Variants in SLC27A6 observed in about 807,000 individuals in gnomAD.
SLC27A6 encodes long-chain fatty acid transport protein 6.
In SLC27A6, 74 loss-of-function variants were observed where a neutral mutation model predicts 63.9. The ratio of observed to expected loss-of-function variants is 1.16; its 90% CI spans 0.96 to 1.40. The LOEUF (loss-of-function observed/expected upper bound fraction) is 1.40, where lower values mean the gene tolerates loss of function less well. Among genes scored for constraint, SLC27A6 ranks in the 40% most tolerant of loss-of-function variants. The pLI, the probability that SLC27A6 is intolerant of heterozygous loss-of-function variation, is 0.00. For missense variants in SLC27A6, 794 were observed against 732.9 expected, an observed-to-expected ratio of 1.08 and a Z score of -0.96; for synonymous variants, 287 against 260.8, an observed-to-expected ratio of 1.10 and a Z score of -0.97.
At chr5:128,987,951 C>T (rs3886286) in intron 2 of SLC27A6, among the ~76,000 whole-genome samples, 36,885 of 151,702 alleles carry the variant, frequency 0.24, 5,165 homozygotes, top group Non-Finnish European at 0.31. Context: ...AATTTCCCAG[C>T]GAAATGGATA....
intron 2 of SLC27A6, among the ~76,000 whole-genome samples, chr5:128,986,575 T>C (rs73784806): frequency 0.057 from 8,597 of 152,008 alleles, 848 homozygotes; most frequent in African/African-American, 0.2. Context: ...AGAATATAAT[T>C]TTTTTTTACA....
chr5:128,999,258 A>T (rs1219072230), intron 4 of SLC27A6, among the ~76,000 whole-genome samples: 2 of 152,158 alleles, frequency 1.3e-5, no homozygotes, highest in African/African-American at 4.8e-5. Flanking sequence ...CTGAAGATGT[A>T]GTCTTCAGCC....
In SLC27A6 at chr5:129,005,902, G is replaced by A. The variant is rs376050557; in HGVS notation, c.970-9983G>A. 2.6e-5 allele frequency among the ~76,000 whole-genome samples: 4 copies of A among 151,526 alleles called. No homozygotes were observed. In the East Asian group the frequency reaches 5.9e-4, roughly 22 times the overall value. ...GCTAGGATTACAGGCGTGAGCCACC[G>A]TGGCCGGCCTAGGTCTGGTTTTGTT... On this transcript the variant is annotated intron_variant, in intron 4 of 9. Coordinates refer to ENST00000262462, the MANE Select transcript of SLC27A6 (RefSeq NM_001017372.3).
intron 1 of SLC27A6, among the ~76,000 whole-genome samples, chr5:128,970,368 G>A (rs1448791370): frequency 6.6e-6 from 1 of 151,322 alleles, no homozygotes; most frequent in Non-Finnish European, 1.5e-5. Flanking sequence ...GGTAGAATTC[G>A]TTGTGAACCC....
At chr5:129,032,309 A>G (rs747151256) in intron 9 of SLC27A6, among the ~76,000 whole-genome samples, 5 of 152,020 alleles carry the variant, frequency 3.3e-5, no homozygotes, top group Non-Finnish European at 7.4e-5. Context: ...TCAAATAACC[A>G]CAATCAGTCA....
Position 128,986,659 on chromosome 5 carries a change from G to T in SLC27A6, c.685+1323G>T, listed in dbSNP as rs1450051678. Among the ~76,000 whole-genome samples the T allele has an allele frequency of 2.6e-5, 4 of 152,166 alleles. No individual in the cohort carries two copies. In the East Asian group the frequency reaches 7.7e-4, roughly 29 times the overall value. On this transcript the variant is annotated intron_variant, in intron 2 of 9. Coordinates refer to ENST00000262462, the MANE Select transcript of SLC27A6 (RefSeq NM_001017372.3). ...TGGCTACTCTGTCCAGACTGAGGGA[G>T]CTTCTTTCTCAGATTGTTCAGGCTA...
At chr5:128,969,792 A>G (rs62399671) in intron 1 of SLC27A6, among the ~76,000 whole-genome samples, 36,629 of 152,014 alleles carry the variant, frequency 0.24, 4,972 homozygotes, top group Middle Eastern at 0.33. Context: ...CAGAATTTCC[A>G]ACACTATGTT....
rs181026234 is a variant in SLC27A6 at position 128,979,567 on chromosome 5, T to C, written c.482-5566T>C. On this transcript the variant is annotated intron_variant, in intron 1 of 9. Coordinates refer to ENST00000262462, the MANE Select transcript of SLC27A6 (RefSeq NM_001017372.3). ...GCATTTACTCTTCTAATTTCACCAC[T>C]TTCTTACTGAAAAATAGCAAGCCAG... is the stretch of plus-strand genomic sequence containing the variant. Among the ~76,000 whole-genome samples the C allele has an allele frequency of 3.5e-4, 54 of 152,300 alleles. 1 individual carries two copies. Among genetic ancestry groups the C allele is most frequent in the African/African-American group, 1.3e-3 (52 of 41,560 alleles).
intron 3 of SLC27A6, 139 bp downstream of exon 3, chr5:128,988,897 TAAAA>T (rs1017303188): frequency 1.6e-6 from 1 of 613,180 alleles, no homozygotes; most frequent in Non-Finnish European, 2.7e-6. Context: ...ATATTTATTT[TAAAA>T]AAACTACACA....
chr5:129,004,968 C>T (rs963316022), intron 4 of SLC27A6, among the ~76,000 whole-genome samples: 9 of 152,128 alleles, frequency 5.9e-5, no homozygotes, highest in Non-Finnish European at 1.3e-4. Flanking sequence ...TCATCATCAC[C>T]CACATCATCT....
At chr5:129,023,579 C>G in intron 5 of SLC27A6, 41 bp from the exon 6 acceptor site, 1 of 1,432,628 alleles carries the variant, frequency 7.0e-7, no homozygotes, top group Non-Finnish European at 9.7e-7. Context: ...GCACAAGTAA[C>G]TAAATGCTTG....
At chr5:129,015,707 A>G (rs1751868560) in intron 4 of SLC27A6, among the ~76,000 whole-genome samples, 178 bp from the exon 5 acceptor site, 1 of 152,214 alleles carries the variant, frequency 6.6e-6, no homozygotes, top group Non-Finnish European at 1.5e-5. Flanking sequence ...ATTCTTGACC[A>G]GTGTTACTTT....
chr5:128,971,181 T>A (rs1422915241), intron 1 of SLC27A6, among the ~76,000 whole-genome samples: 3 of 152,168 alleles, frequency 2.0e-5, no homozygotes, highest in Admixed American at 1.3e-4. Context: ...CTTCCAACTA[T>A]GTGGTCAATT....
intron 9 of SLC27A6, among the ~76,000 whole-genome samples, chr5:129,031,377 AATGG>A (rs1752408883): frequency 6.6e-6 from 1 of 152,042 alleles, no homozygotes; most frequent in Non-Finnish European, 1.5e-5. Context: ...CAAATTAAAA[AATGG>A]AAGAAGCCTT....
intron 1 of SLC27A6, among the ~76,000 whole-genome samples, chr5:128,973,637 T>A (rs1750271298): frequency 6.6e-6 from 1 of 152,166 alleles, no homozygotes; most frequent in South Asian, 2.1e-4. Context: ...AAAAGTGCAG[T>A]ATTAGAGTGA....
intron 4 of SLC27A6, among the ~76,000 whole-genome samples, chr5:129,001,563 C>T (rs1255805052): frequency 6.6e-6 from 1 of 152,066 alleles, no homozygotes; most frequent in East Asian, 1.9e-4. Context: ...TTTAGGTGAT[C>T]TTTTAGGAGT....
At chr5:128,989,016 A>G (rs977955708) in intron 3 of SLC27A6, among the ~76,000 whole-genome samples, 29 of 152,150 alleles carry the variant, frequency 1.9e-4, no homozygotes, top group African/African-American at 6.8e-4. Context: ...CTCTCCTTGT[A>G]GTCACTCACC....
At chr5:128,971,206 A>T (rs1010544846) in intron 1 of SLC27A6, among the ~76,000 whole-genome samples, 37 of 152,170 alleles carry the variant, frequency 2.4e-4, no homozygotes, top group African/African-American at 8.9e-4. Context: ...AATAAGTGTG[A>T]TGTGGTGCTG....
chr5:128,972,386 CT>C (rs1447560183), intron 1 of SLC27A6, among the ~76,000 whole-genome samples: 1 of 152,224 alleles, frequency 6.6e-6, no homozygotes. Flanking sequence ...CTCCCCATCA[CT>C]TTCATGTACA....
Sources: allele counts gnomAD v4.1 joint callset (sites outside exome capture counted in the v4.1 genomes callset), GRCh38; gene constraint gnomAD v4.1.1; transcripts MANE v1.5; gene names NCBI Gene and HGNC (gene_info 2026-07-23, HGNC 2026-07-21).